The following ZFYVE28 variants were observed in gnomAD, a reference collection of about 807,000 sequenced individuals.
ZFYVE28 encodes lateral signaling target protein 2 homolog.
ZFYVE28 carries 40 observed loss-of-function variants against 82.1 expected under a neutral mutation model. That is an observed-to-expected ratio of 0.49 (90% CI 0.38 to 0.63). ZFYVE28 has a LOEUF of 0.63. ZFYVE28 is among the 30% of genes least tolerant of loss of function. The pLI, the probability that ZFYVE28 is intolerant of heterozygous loss-of-function variation, is 0.00. For synonymous variants in ZFYVE28, 612 were observed against 546.1 expected (o/e 1.12, Z -1.68); for missense variants, 1,321 against 1,242.1 (o/e 1.06, Z -0.96).
At chr4:2,358,419 G>C (rs1725652148) in intron 1 of ZFYVE28, among the ~76,000 whole-genome samples, 1 of 152,210 alleles carries the variant, frequency 6.6e-6, no homozygotes, top group African/African-American at 2.4e-5. Flanking sequence ...AAAGGCATGG[G>C]AGGTAGGGAA....
chr4:2,354,825 C>T (rs193011340), intron 1 of ZFYVE28, among the ~76,000 whole-genome samples: 2 of 152,168 alleles, frequency 1.3e-5, no homozygotes, highest in Admixed American at 6.5e-5. Flanking sequence ...AAATTTACTA[C>T]ACTTAAGTGA....
At chr4:2,360,419 A>ACACACAGG (rs1252477339) in intron 1 of ZFYVE28, among the ~76,000 whole-genome samples, 7 of 151,818 alleles carry the variant, frequency 4.6e-5, no homozygotes, top group African/African-American at 1.7e-4. Context: ...ACACACACAC[A>ACACACAGG]CACACACAGG....
chr4:2,303,351 C>T (rs776567424), intron 8 of ZFYVE28, among the ~76,000 whole-genome samples: 74 of 152,302 alleles, frequency 4.9e-4, no homozygotes, highest in Non-Finnish European at 6.6e-4. Flanking sequence ...CATCCTTCAA[C>T]GCAGCCCCTC....
chr4:2,397,447 C>G (rs1404404851), intron 1 of ZFYVE28, among the ~76,000 whole-genome samples: 1 of 142,016 alleles, frequency 7.0e-6, no homozygotes, highest in African/African-American at 2.6e-5. Flanking sequence ...CACTGCACTC[C>G]AGCCTGGGGG....
intron 8 of ZFYVE28, among the ~76,000 whole-genome samples, chr4:2,283,952 C>T (rs1371542877): frequency 6.6e-6 from 1 of 152,174 alleles, no homozygotes; most frequent in Non-Finnish European, 1.5e-5. Context: ...TAAGCAGAGG[C>T]CCACTGGGAG....
At chr4:2,277,323 A>G (rs965420045) in intron 8 of ZFYVE28, among the ~76,000 whole-genome samples, 2 of 152,088 alleles carry the variant, frequency 1.3e-5, no homozygotes, top group Non-Finnish European at 2.9e-5. Flanking sequence ...CTAATAAAAT[A>G]CAAAAAATTA....
intron 8 of ZFYVE28, among the ~76,000 whole-genome samples, chr4:2,290,608 GC>G (rs1424950718): frequency 5.9e-5 from 9 of 152,276 alleles, no homozygotes; most frequent in East Asian, 3.9e-4. Context: ...CTGCCCCCTG[GC>G]CCCAGAGCAG....
At chr4:2,315,211 C>T (rs1718032529) in intron 7 of ZFYVE28, among the ~76,000 whole-genome samples, 1 of 152,212 alleles carries the variant, frequency 6.6e-6, no homozygotes, top group African/African-American at 2.4e-5. Flanking sequence ...GGCAAAATAT[C>T]ACCTTCATTT....
intron 7 of ZFYVE28, 94 bp from the exon 8 acceptor site, chr4:2,305,630 A>G: frequency 6.2e-6 from 9 of 1,457,450 alleles, no homozygotes; most frequent in Non-Finnish European, 7.5e-6. Context: ...AGTCTGCACC[A>G]GCAGAACAAC....
intron 1 of ZFYVE28, among the ~76,000 whole-genome samples, chr4:2,369,938 C>T (rs1195244573): frequency 1.3e-5 from 2 of 149,156 alleles, no homozygotes; most frequent in Non-Finnish European, 3.0e-5. Context: ...GCAACCTCCG[C>T]CTCCCGGGTT....
chr4:2,408,519 G>T lies in ZFYVE28; in HGVS notation c.39+9766C>A, dbSNP rs1427547036. On this transcript the variant is annotated intron_variant, in intron 1 of 12. Coordinates refer to ENST00000290974, the MANE Select transcript of ZFYVE28 (RefSeq NM_020972.3). This position sits in a 1 kb window ranked among gnomAD's most constrained non-coding sequence, Gnocchi z 4.3. ...GCCTGACAGCTGCACCAGCCGGGGTGGACCAAAGGCCGCAGATGGTTCAGC... is the reference window on the plus strand; with the variant it reads ...GCCTGACAGCTGCACCAGCCGGGGTTGACCAAAGGCCGCAGATGGTTCAGC... Among the ~76,000 whole-genome samples the T allele has an allele frequency of 5.3e-5, 8 of 152,222 alleles. No homozygotes were observed. Among genetic ancestry groups the T allele is most frequent in the Admixed American group, 2.0e-4 (3 of 15,290 alleles).
At chr4:2,377,301 GT>G (rs68045191) in intron 1 of ZFYVE28, among the ~76,000 whole-genome samples, 2,737 of 90,962 alleles carry the variant, frequency 0.03, 31 homozygotes, top group Middle Eastern at 0.067. Context: ...AATTACAGGC[GT>G]TGAGCCACTG....
intron 6 of ZFYVE28, chr4:2,330,446 C>T: frequency 9.4e-7 from 1 of 1,065,336 alleles, no homozygotes; most frequent in Non-Finnish European, 1.1e-6. Flanking sequence ...GAGGGGACAG[C>T]ACGGAGGAGG....
chr4:2,305,613 A>G, intron 7 of ZFYVE28, 77 bp from the exon 8 acceptor site: 1 of 1,545,782 alleles, frequency 6.5e-7, no homozygotes, highest in Non-Finnish European at 8.8e-7. Context: ...TGGACGCAGC[A>G]CCCTGGAGTC....
intron 1 of ZFYVE28, among the ~76,000 whole-genome samples, chr4:2,359,996 C>T (rs933245508): frequency 6.6e-6 from 1 of 152,194 alleles, no homozygotes; most frequent in Admixed American, 6.5e-5. Flanking sequence ...AGCCTCGGAG[C>T]CTTTACCCAC....
At chr4:2,355,906 T>C (rs73070611) in intron 1 of ZFYVE28, among the ~76,000 whole-genome samples, 2,216 of 152,288 alleles carry the variant, frequency 0.015, 51 homozygotes, top group African/African-American at 0.051. Context: ...AAGGACTCTT[T>C]ATAATCACAG....
chr4:2,384,546 C>T (rs1729051549), intron 1 of ZFYVE28, among the ~76,000 whole-genome samples: 1 of 152,004 alleles, frequency 6.6e-6, no homozygotes, highest in South Asian at 2.1e-4. Flanking sequence ...GGGGAAGGGA[C>T]CAGGCAGCAC....
chr4:2,324,418 G>A (rs1252794235), intron 6 of ZFYVE28: 1 of 155,194 alleles, frequency 6.4e-6, no homozygotes, highest in African/African-American at 2.4e-5. Context: ...ACATCGTACA[G>A]CGGATGCTAC....
intron 8 of ZFYVE28, chr4:2,287,698 G>C (rs1476080662): frequency 6.6e-6 from 1 of 152,236 alleles, no homozygotes; most frequent in Non-Finnish European, 1.5e-5. Context: ...GGCGCCCTTG[G>C]GATCTCTTTA....
Sources: gnomAD v4.1 joint callset for allele counts (sites outside exome capture counted in the v4.1 genomes callset) on GRCh38, gnomAD v4.1.1 for gene constraint, Gnocchi (gnomAD v3.1) non-coding constraint, MANE v1.5 for transcripts, NCBI Gene and HGNC (gene_info 2026-07-23, HGNC 2026-07-21) for gene names.